The following CDK14 variants were observed in gnomAD, a reference collection of about 807,000 sequenced individuals.
CDK14 encodes the protein cyclin dependent kinase 14.
A neutral mutation model predicts 60.7 loss-of-function variants in CDK14; 34 were observed. That is an observed-to-expected ratio of 0.56 (90% CI 0.43 to 0.75). CDK14 has a LOEUF of 0.75. Among genes scored for constraint, CDK14 ranks in the 30% least tolerant of loss-of-function variants. The pLI is 0.00. For synonymous variants in CDK14, 197 were observed against 203.7 expected (o/e 0.97, Z 0.28); for missense variants, 482 against 564.1 (o/e 0.85, Z 1.47).
intron 2 of CDK14, among the ~76,000 whole-genome samples, chr7:90,715,008 T>TG (rs1802196629): frequency 6.6e-6 from 1 of 152,058 alleles, no homozygotes; most frequent in Non-Finnish European, 1.5e-5. Context: ...ATATGGTTAC[T>TG]GGGGGAAAGA....
chr7:90,947,508 T>C (rs541600014), intron 8 of CDK14, among the ~76,000 whole-genome samples: 19 of 152,340 alleles, frequency 1.2e-4, no homozygotes, highest in Non-Finnish European at 2.2e-4. Flanking sequence ...CTCTAAGTTG[T>C]GTAACCATTA....
intron 2 of CDK14, among the ~76,000 whole-genome samples, chr7:90,610,715 T>C (rs1339877908): frequency 6.6e-6 from 1 of 152,212 alleles, no homozygotes; most frequent in Admixed American, 6.5e-5. Context: ...TTGTTTTCCC[T>C]TAATGCATGG....
intron 14 of CDK14, among the ~76,000 whole-genome samples, chr7:91,142,551 T>C (rs1046738805): frequency 6.6e-6 from 1 of 152,230 alleles, no homozygotes; most frequent in African/African-American, 2.4e-5. Flanking sequence ...CTTGTATAAA[T>C]AATCTAGGCC....
chr7:91,199,776 A>T (rs1802660276), intron 14 of CDK14, among the ~76,000 whole-genome samples: 1 of 152,224 alleles, frequency 6.6e-6, no homozygotes, highest in African/African-American at 2.4e-5. Context: ...TGCATTGTGC[A>T]TCCATATGGA....
intron 10 of CDK14, among the ~76,000 whole-genome samples, chr7:91,003,722 T>G (rs1029466819): frequency 6.6e-6 from 1 of 152,176 alleles, no homozygotes; most frequent in Non-Finnish European, 1.5e-5. Flanking sequence ...TCCAGAACCC[T>G]GTTACATGGC....
intron 10 of CDK14, among the ~76,000 whole-genome samples, chr7:90,992,261 A>C (rs564937957): frequency 1.3e-5 from 2 of 152,246 alleles, no homozygotes; most frequent in Non-Finnish European, 2.9e-5. Flanking sequence ...TGTGACCCAG[A>C]GATTTGAATT....
At chr7:91,050,774 T>TG (rs1053036085) in intron 11 of CDK14, among the ~76,000 whole-genome samples, 2 of 152,108 alleles carry the variant, frequency 1.3e-5, no homozygotes, top group African/African-American at 4.8e-5. Context: ...CTGCTTCTGG[T>TG]GGGGGCCTCA....
chr7:90,930,541 T>C lies in CDK14; in HGVS notation c.826+12817T>C, dbSNP rs1055767210. ...AGCACAGGCTAAGCTTTTTTTTTTT[T>C]TTTTTTTTTTTTGGTCAAGCTCAAG... On this transcript the variant is annotated intron_variant, in intron 8 of 14. Transcript: ENST00000380050. Among the ~76,000 whole-genome samples, 6 of 115,794 alleles carry C rather than the reference T, an allele frequency of 5.2e-5. 1 individual carries two copies. The highest frequency in any genetic ancestry group is 1.6e-4 in the African/African-American group (6 of 37,180). The allele number at this position is 115,794 out of a possible 152,430, so 76.0% of individuals were successfully genotyped here.
intron 11 of CDK14, among the ~76,000 whole-genome samples, chr7:91,073,852 C>T (rs1438211541): frequency 1.3e-5 from 2 of 151,854 alleles, no homozygotes; most frequent in Non-Finnish European, 2.9e-5. Flanking sequence ...GGTTGCAGTC[C>T]TAGTCTCTTG....
In CDK14 at chr7:91,209,527, G is replaced by A. The variant is rs1461589381; in HGVS notation, c.*2391G>A. 1 of 151,956 alleles carries A rather than the reference G, an allele frequency of 6.6e-6. No homozygotes were observed. The highest frequency in any genetic ancestry group is 1.5e-5 in the Non-Finnish European group (1 of 67,996). 9.4% of individuals were successfully genotyped at this position (151,956 alleles called of 1,614,324 possible). A position where few individuals can be genotyped will look rare whatever the true frequency, so the allele number is the denominator to read the frequency against. ...TTCTCTTCTGCCCTCCTTGTGGGCA[G>A]TCATGAAAATCAATTCAGACTGTGT... On this transcript the variant is annotated 3_prime_UTR_variant, in exon 15 of 15. Coordinates refer to ENST00000380050, the MANE Select transcript of CDK14 (RefSeq NM_001287135.2).
At chr7:90,607,527 A>G (rs866410955) in intron 2 of CDK14, among the ~76,000 whole-genome samples, 7 of 152,230 alleles carry the variant, frequency 4.6e-5, no homozygotes, top group Non-Finnish European at 5.9e-5. Flanking sequence ...TTATTTAATC[A>G]TAGACTGAAA....
intron 12 of CDK14, among the ~76,000 whole-genome samples, chr7:91,096,641 C>G (rs1284566201): frequency 6.6e-6 from 1 of 152,162 alleles, no homozygotes; most frequent in East Asian, 1.9e-4. Flanking sequence ...GCAATAGACA[C>G]CAGCTCTTTT....
chr7:90,963,086 A>AGAGAGT (rs146903374), intron 9 of CDK14, among the ~76,000 whole-genome samples: 197 of 142,180 alleles, frequency 1.4e-3, no homozygotes, highest in African/African-American at 4.9e-3. Flanking sequence ...TCATCTTAAG[A>AGAGAGT]GTGTGTGTGT....
intron 12 of CDK14, among the ~76,000 whole-genome samples, chr7:91,102,765 T>C (rs1449453167): frequency 1.3e-5 from 2 of 150,786 alleles, no homozygotes; most frequent in African/African-American, 4.9e-5. Flanking sequence ...TTCCGGGGGA[T>C]GTATAGTTTG....
chr7:91,139,767 T>C (rs958683461), intron 14 of CDK14, among the ~76,000 whole-genome samples: 3 of 149,534 alleles, frequency 2.0e-5, no homozygotes, highest in African/African-American at 7.3e-5. Flanking sequence ...ACTTTTCTTT[T>C]CTTTTCTTTT....
At chr7:90,682,610 A>G (rs990511964) in intron 2 of CDK14, among the ~76,000 whole-genome samples, 5 of 152,172 alleles carry the variant, frequency 3.3e-5, no homozygotes, top group African/African-American at 4.8e-5. Flanking sequence ...CTCAGATACG[A>G]TACTTATTAT....
intron 9 of CDK14, among the ~76,000 whole-genome samples, chr7:90,959,308 A>G (rs2117582537): frequency 6.6e-6 from 1 of 152,256 alleles, no homozygotes; most frequent in African/African-American, 2.4e-5. Flanking sequence ...TCTATGTTAT[A>G]TCTATGGTAC....
intron 5 of CDK14, among the ~76,000 whole-genome samples, chr7:90,851,627 C>T (rs2117181736): frequency 6.6e-6 from 1 of 152,210 alleles, no homozygotes; most frequent in South Asian, 2.1e-4. Flanking sequence ...CAGATAGTTT[C>T]TTACCTAGAG....
chr7:91,200,505 T>C (rs1023123452), intron 14 of CDK14, among the ~76,000 whole-genome samples: 1 of 152,196 alleles, frequency 6.6e-6, no homozygotes, highest in Admixed American at 6.5e-5. Flanking sequence ...CGGGACATTG[T>C]TCATGTGAAA....
Sources: gnomAD v4.1 joint callset for allele counts (sites outside exome capture counted in the v4.1 genomes callset) on GRCh38, gnomAD v4.1.1 for gene constraint, MANE v1.5 for transcripts, NCBI Gene and HGNC (gene_info 2026-07-23, HGNC 2026-07-21) for gene names.